The following CFAP221 variants were observed in gnomAD, a reference collection of about 807,000 sequenced individuals.
CFAP221 encodes the protein cilia- and flagella-associated protein 221.
A neutral mutation model predicts 113.1 loss-of-function variants in CFAP221; 97 were observed. The ratio of observed to expected loss-of-function variants is 0.86; its 90% confidence interval spans 0.73 to 1.02. CFAP221 has a LOEUF of 1.02. Among genes scored for constraint, CFAP221 ranks in the 50% least tolerant of loss-of-function variants. The pLI is 0.00. For missense variants in CFAP221, 1,025 were observed against 1,013.4 expected (o/e 1.01, Z -0.16); for synonymous variants, 331 against 354.4 (o/e 0.93, Z 0.74).
chr2:119,634,179 A>C (rs530020363), intron 19 of CFAP221, among the ~76,000 whole-genome samples: 168 of 152,344 alleles, frequency 1.1e-3, no homozygotes, highest in African/African-American at 3.9e-3. Flanking sequence ...TGTTTCCAGA[A>C]GTATTAAAAT....
chr2:119,608,629 G>A, intron 12 of CFAP221, 40 bp downstream of exon 12: 1 of 1,547,370 alleles, frequency 6.5e-7, no homozygotes, highest in Non-Finnish European at 8.9e-7. Flanking sequence ...TGTTTCGCTA[G>A]ATGTTTTTAA....
intron 3 of CFAP221, among the ~76,000 whole-genome samples, chr2:119,557,749 C>T (rs538980360): frequency 1.3e-5 from 2 of 152,192 alleles, no homozygotes; most frequent in Admixed American, 1.3e-4. Context: ...GCCTGTAATC[C>T]CAGCACTTTG....
intron 6 of CFAP221, among the ~76,000 whole-genome samples, chr2:119,585,585 T>G (rs1282030040): frequency 6.6e-6 from 1 of 152,230 alleles, no homozygotes; most frequent in East Asian, 1.9e-4. Flanking sequence ...AAGGGGTCGT[T>G]ATTTTATTGT....
At chr2:119,656,098 A>G (rs1688418103) in intron 23 of CFAP221, 1 of 436,286 alleles carries the variant, frequency 2.3e-6, no homozygotes, top group South Asian at 2.5e-5. Flanking sequence ...CACCATTCGC[A>G]CATCAGGAAA....
At position 119,604,703 on chromosome 2, in the gene CFAP221, T is replaced by C; in HGVS notation, c.823T>C (p.Ser275Pro). The change falls in exon 9 of 24, where the codon TCT (serine) becomes CCT (proline). Residue 275 changes from serine to proline, a missense_variant. Transcript: ENST00000413369. ...AGAGTTTGAAAGGTTGAATACCCTT[T>C]CTAAGAAAGTAAACGTTCCTCCAGA... ...LEEFERLNTL[S>P]KKVNVPPEKA... 6.4e-7 allele frequency: 1 copy of C among 1,556,190 alleles called. No homozygotes were observed. The highest frequency in any genetic ancestry group is 8.6e-7 in the Non-Finnish European group (1 of 1,157,018).
chr2:119,592,646 C>T (rs1683678217), intron 7 of CFAP221, among the ~76,000 whole-genome samples: 1 of 152,244 alleles, frequency 6.6e-6, no homozygotes, highest in Non-Finnish European at 1.5e-5. Context: ...GATGCTGTCA[C>T]CTAGTGGCTT....
chr2:119,628,295 GT>G (rs1460048211), intron 16 of CFAP221, among the ~76,000 whole-genome samples: 67 of 11,572 alleles, frequency 5.8e-3, no homozygotes, highest in African/African-American at 0.012. Flanking sequence ...TCTCTGGGGG[GT>G]GTGTGTGTGT....
intron 6 of CFAP221, among the ~76,000 whole-genome samples, chr2:119,566,760 C>G (rs1409655565): frequency 6.6e-6 from 1 of 152,186 alleles, no homozygotes; most frequent in Non-Finnish European, 1.5e-5. Context: ...ACTCCTGGGT[C>G]AGTGCCTCTT....
At chr2:119,626,439 T>A (rs1686312009) in intron 15 of CFAP221, among the ~76,000 whole-genome samples, 1 of 152,106 alleles carries the variant, frequency 6.6e-6, no homozygotes. Context: ...CCCAACCCCA[T>A]ACCAAGTTGT....
In CFAP221 at chr2:119,625,680, T is replaced by C; in HGVS notation, c.1508T>C (p.Ile503Thr). ...LRKIGQAKQSIAQEANFFKFF... is the reference protein window; with the variant it reads ...LRKIGQAKQSTAQEANFFKFF... ...AAGATTGGCCAAGCAAAACAATCGA[T>C]AGCACAAGGTGAAGTATGGCTGCAA... Residue 503 changes from isoleucine to threonine, a missense_variant, in exon 15 of 24, where the codon ATA becomes ACA. Physicochemically the swap from Ile to Thr is moderately conservative, Grantham distance 89. Coordinates refer to ENST00000413369, the MANE Select transcript of CFAP221 (RefSeq NM_001271049.2). The C allele has an allele frequency of 1.9e-6, 3 of 1,605,174 alleles. No homozygotes were observed. The highest frequency in any genetic ancestry group is 1.7e-6 in the Non-Finnish European group (2 of 1,171,814).
At chr2:119,625,788 T>C in intron 15 of CFAP221, 100 bp downstream of exon 15, 1 of 935,006 alleles carries the variant, frequency 1.1e-6, no homozygotes, top group Non-Finnish European at 1.6e-6. Flanking sequence ...ATAAAAAATT[T>C]TCACCAGTCA....
chr2:119,612,352 T>A (rs527796710), intron 13 of CFAP221, among the ~76,000 whole-genome samples: 1 of 152,342 alleles, frequency 6.6e-6, no homozygotes, highest in South Asian at 2.1e-4. Context: ...TGGAGAAGCC[T>A]CAGGAAACGT....
At chr2:119,562,152 GAAAAACTAAGAGATACTCATACA>G in intron 6 of CFAP221, 38 bp downstream of exon 6, 1 of 1,310,514 alleles carries the variant, frequency 7.6e-7, no homozygotes. Flanking sequence ...TATAGGATGT[GAAAAACTAAGAGATACTCATACA>G]AAACCTTAGA....
At chr2:119,566,499 T>C (rs865827747) in intron 6 of CFAP221, among the ~76,000 whole-genome samples, 11 of 152,202 alleles carry the variant, frequency 7.2e-5, no homozygotes, top group African/African-American at 2.7e-4. Context: ...CATCGAGCTA[T>C]CCTACTCTGT....
intron 14 of CFAP221, among the ~76,000 whole-genome samples, chr2:119,616,391 G>T (rs1685528803): frequency 6.6e-6 from 1 of 152,192 alleles, no homozygotes; most frequent in Admixed American, 6.5e-5. Flanking sequence ...TGGCTATTAT[G>T]AGTAAAAATG....
At chr2:119,588,967 C>A (rs1006435385) in intron 7 of CFAP221, among the ~76,000 whole-genome samples, 1 of 152,146 alleles carries the variant, frequency 6.6e-6, no homozygotes, top group South Asian at 2.1e-4. Context: ...AAAGAAAGAC[C>A]AAGGAAGAAA....
intron 16 of CFAP221, among the ~76,000 whole-genome samples, chr2:119,628,136 C>T (rs1686472889): frequency 6.6e-6 from 1 of 152,192 alleles, no homozygotes; most frequent in South Asian, 2.1e-4. Flanking sequence ...AGGCTCTGCT[C>T]AGCTTGGCCC....
intron 7 of CFAP221, among the ~76,000 whole-genome samples, chr2:119,598,883 C>T (rs533801913): frequency 9.2e-5 from 14 of 152,260 alleles, no homozygotes; most frequent in African/African-American, 3.4e-4. Context: ...ATCCTTGCTT[C>T]CAGAGCTTGT....
intron 19 of CFAP221, 141 bp from the exon 20 acceptor site, chr2:119,638,118 T>G (rs1687225267): frequency 1.3e-6 from 1 of 773,996 alleles, no homozygotes; most frequent in African/African-American, 1.8e-5. Context: ...CTCTCCTGCT[T>G]CTCTTTTCCA....
Sources: allele counts gnomAD v4.1 joint callset (sites outside exome capture counted in the v4.1 genomes callset), GRCh38; gene constraint gnomAD v4.1.1; transcripts MANE v1.5; gene names NCBI Gene and HGNC (gene_info 2026-07-23, HGNC 2026-07-21).